Variants in ZRANB3 observed in about 807,000 individuals in gnomAD.
ZRANB3 encodes zinc finger RANBP2-type containing 3, also known as DNA annealing helicase and endonuclease ZRANB3.
A neutral mutation model predicts 133.8 loss-of-function variants in ZRANB3; 125 were observed. The ratio of observed to expected loss-of-function variants is 0.93; its 90% CI spans 0.81 to 1.08. The LOEUF (loss-of-function observed/expected upper bound fraction) is 1.08. Among genes scored for constraint, ZRANB3 ranks in the 50% least tolerant of loss-of-function variants. The pLI is 0.00. For missense variants in ZRANB3, 1,229 were observed against 1,275.5 expected (o/e 0.96, Z 0.56); for synonymous variants, 387 against 432.7 (o/e 0.89, Z 1.31).
intron 12 of ZRANB3, among the ~76,000 whole-genome samples, chr2:135,242,415 G>T (rs770005299): frequency 6.6e-6 from 1 of 151,932 alleles, no homozygotes; most frequent in Non-Finnish European, 1.5e-5. Flanking sequence ...GTGTGTTTCG[G>T]TTTTCCATTC....
chr2:135,396,201 C>T (rs10205330), intron 2 of ZRANB3, among the ~76,000 whole-genome samples: 4,838 of 152,252 alleles, frequency 0.032, 246 homozygotes, highest in African/African-American at 0.11. Flanking sequence ...AACACTTGTA[C>T]ACTGCTGGTG....
chr2:135,466,321 T>G (rs1690991624), intron 2 of ZRANB3, among the ~76,000 whole-genome samples: 1 of 135,750 alleles, frequency 7.4e-6, no homozygotes, highest in African/African-American at 2.9e-5. Flanking sequence ...AGTCGGAGGT[T>G]GCAGTGAGCT....
At chr2:135,388,786 C>T (rs190771467) in intron 3 of ZRANB3, among the ~76,000 whole-genome samples, 3 of 152,208 alleles carry the variant, frequency 2.0e-5, no homozygotes, top group African/African-American at 7.2e-5. Flanking sequence ...TAGAGCTCAT[C>T]CTGTTTTAGG....
intron 17 of ZRANB3, among the ~76,000 whole-genome samples, chr2:135,215,611 G>C (rs1056067607): frequency 2.0e-5 from 3 of 152,146 alleles, no homozygotes; most frequent in Non-Finnish European, 2.9e-5. Flanking sequence ...CTGCCAGTTT[G>C]ACATAGTCTC....
intron 6 of ZRANB3, among the ~76,000 whole-genome samples, chr2:135,339,638 AGTTT>A (rs1201778358): frequency 6.6e-6 from 1 of 152,190 alleles, no homozygotes; most frequent in Non-Finnish European, 1.5e-5. Context: ...AATGTAAGAC[AGTTT>A]GTTTCTTCAT....
At chr2:135,217,690 A>T in intron 16 of ZRANB3, 83 bp from the exon 17 acceptor site, 1 of 1,491,968 alleles carries the variant, frequency 6.7e-7, no homozygotes, top group Non-Finnish European at 8.9e-7. Flanking sequence ...CAACATCAGA[A>T]AACTGCTATT....
chr2:135,374,910 C>A (rs1295681653), intron 3 of ZRANB3, among the ~76,000 whole-genome samples: 1 of 151,960 alleles, frequency 6.6e-6, no homozygotes, highest in African/African-American at 2.4e-5. Flanking sequence ...GAACAGAGAC[C>A]TCACCTAAGA....
At chr2:135,337,418 A>G (rs1684416712) in intron 6 of ZRANB3, among the ~76,000 whole-genome samples, 1 of 152,344 alleles carries the variant, frequency 6.6e-6, no homozygotes, top group African/African-American at 2.4e-5. Flanking sequence ...ATAGATATGT[A>G]TATATAACTG....
At chr2:135,329,243 G>A (rs1684008876) in intron 6 of ZRANB3, among the ~76,000 whole-genome samples, 1 of 152,182 alleles carries the variant, frequency 6.6e-6, no homozygotes. Flanking sequence ...TGTATAAGGT[G>A]TAAAGAAGGG....
rs1403263189 is a variant in ZRANB3, at chr2:135,302,527, TG to T, written c.966+10961del. 1.1e-3 allele frequency among the ~76,000 whole-genome samples: 158 copies of T among 143,300 alleles called. 1 individual carries two copies. The highest frequency in any genetic ancestry group is 4.5e-3 in the African/African-American group (150 of 33,198). 94.0% of individuals were successfully genotyped at this position (143,300 alleles called of 152,430 possible). The stretch of plus-strand genomic sequence containing the variant: ...ACGCTTCTGACTTCAAACCAGGGTT[TG>T]TTTTTTTTTTTTTTGAGATGGGAGT... On this transcript the variant is annotated intron_variant, in intron 8 of 20. Coordinates refer to ENST00000264159, the MANE Select transcript of ZRANB3 (RefSeq NM_032143.4).
In ZRANB3 at chr2:135,420,091, TTATA is replaced by T. The variant is rs201217358; in HGVS notation, c.162-29275_162-29272del. On this transcript the variant is annotated intron_variant, in intron 2 of 20. Transcript: ENST00000264159. ...TAAGATACATATATATATCTTAGAT[TTATA>T]TATATATATATATATATATATATAT... Among the ~76,000 whole-genome samples, 109 of 72,454 alleles carry T rather than the reference TTATA, an allele frequency of 1.5e-3. 1 individual carries two copies. Among genetic ancestry groups the T allele is most frequent in the East Asian group, 3.9e-3 (11 of 2,854 alleles). The allele number at this position is 72,454 out of a possible 152,430, so 47.5% of individuals were successfully genotyped here.
At position 135,439,337 on chromosome 2, in the gene ZRANB3, T is replaced by C. The variant is rs186362607; in HGVS notation, c.162-48517A>G. On this transcript the variant is annotated intron_variant, in intron 2 of 20. Transcript: ENST00000264159. ...ATTGATCTAGCTCTAATTAACTCAA[T>C]CTATATAAAAAAAGATGATACAGAT... 1.6e-4 allele frequency among the ~76,000 whole-genome samples: 24 copies of C among 152,206 alleles called. 1 individual carries two copies. In the East Asian group the frequency reaches 4.4e-3, roughly 28 times the overall value.
At chr2:135,223,800 G>C (rs1377372601) in intron 15 of ZRANB3, among the ~76,000 whole-genome samples, 1 of 152,186 alleles carries the variant, frequency 6.6e-6, no homozygotes, top group Non-Finnish European at 1.5e-5. Context: ...GCAGGAATCA[G>C]CAATCATCTG....
At chr2:135,485,602 G>C (rs984550840) in intron 2 of ZRANB3, among the ~76,000 whole-genome samples, 4 of 152,052 alleles carry the variant, frequency 2.6e-5, no homozygotes, top group African/African-American at 7.3e-5. Flanking sequence ...CTTTATAGTT[G>C]GTCACAATAC....
intron 6 of ZRANB3, among the ~76,000 whole-genome samples, chr2:135,316,463 C>A (rs1683256860): frequency 6.6e-6 from 1 of 152,032 alleles, no homozygotes; most frequent in Non-Finnish European, 1.5e-5. Context: ...CTGAAAACAG[C>A]TGTTAGAGAA....
chr2:135,431,757 A>G (rs1190937432), intron 2 of ZRANB3, among the ~76,000 whole-genome samples: 1 of 152,214 alleles, frequency 6.6e-6, no homozygotes, highest in African/African-American at 2.4e-5. Context: ...ATAGTGAAAT[A>G]CCATTATATA....
In ZRANB3 at chr2:135,442,633, T is replaced by A. The variant is rs1478556794; in HGVS notation, c.162-51813A>T. On this transcript the variant is annotated intron_variant, in intron 2 of 20. Coordinates refer to ENST00000264159, the MANE Select transcript of ZRANB3 (RefSeq NM_032143.4). ...TTAGTTCAACCATTGTGGAAGACAG[T>A]GTGGTGATTCCTCAAGGATCTAGAA... 2.0e-5 allele frequency among the ~76,000 whole-genome samples: 3 copies of A among 152,176 alleles called. No individual in the cohort carries two copies. In the East Asian group the frequency reaches 5.8e-4, roughly 29 times the overall value.
chr2:135,392,258 G>A (rs974637051), intron 2 of ZRANB3, among the ~76,000 whole-genome samples: 1 of 144,112 alleles, frequency 6.9e-6, no homozygotes, highest in Non-Finnish European at 1.5e-5. Flanking sequence ...AAGCCACACT[G>A]AGCTATGATT....
In ZRANB3 at chr2:135,408,449, G is replaced by A. The variant is rs533670101; in HGVS notation, c.162-17629C>T. Among the ~76,000 whole-genome samples the A allele has an allele frequency of 8.7e-4, 130 of 149,524 alleles. 1 individual carries two copies. The highest frequency in any genetic ancestry group is 7.7e-4 in the East Asian group (4 of 5,182). ...TAAGGGATCTACAACTAGAAATAAC[G>A]TTTGACCCAGCCATCCCATTACTGG... is the stretch of plus-strand genomic sequence containing the variant. On this transcript the variant is annotated intron_variant, in intron 2 of 20. Transcript: ENST00000264159.
Sources: allele counts gnomAD v4.1 joint callset (sites outside exome capture counted in the v4.1 genomes callset), GRCh38; gene constraint gnomAD v4.1.1; transcripts MANE v1.5; gene names NCBI Gene and HGNC (gene_info 2026-07-23, HGNC 2026-07-21).